Variants in MDGA2 observed in about 807,000 individuals in gnomAD.
The protein encoded by MDGA2 is MAM domain-containing glycosylphosphatidylinositol anchor protein 2.
MDGA2 carries 40 observed loss-of-function variants against 117.8 expected under a neutral mutation model. That is an observed-to-expected ratio of 0.34 (90% CI 0.26 to 0.44). The LOEUF (loss-of-function observed/expected upper bound fraction) is 0.44, where lower values mean the gene tolerates loss of function less well. MDGA2 is among the 20% of genes least tolerant of loss of function. The pLI is 1.00. For missense variants in MDGA2, 1,123 were observed against 1,250.6 expected (o/e 0.90, Z 1.54); for synonymous variants, 452 against 439.0 (o/e 1.03, Z -0.37).
At chr14:47,217,969 C>CAAAAA in intron 3 of MDGA2, 52 bp downstream of exon 3, 1 of 1,381,256 alleles carries the variant, frequency 7.2e-7, no homozygotes. Context: ...ACTTGTAAGA[C>CAAAAA]AAAAGAAATC....
At chr14:47,248,921 C>A (rs556252170) in intron 2 of MDGA2, among the ~76,000 whole-genome samples, 1 of 151,734 alleles carries the variant, frequency 6.6e-6, no homozygotes, top group South Asian at 2.1e-4. Flanking sequence ...TGTTTCCCTT[C>A]CTTCCTTCCT....
intron 1 of MDGA2, among the ~76,000 whole-genome samples, chr14:47,552,210 A>G (rs148410746): frequency 1.1e-3 from 171 of 152,268 alleles, no homozygotes; most frequent in African/African-American, 4.0e-3. Flanking sequence ...TCACTCTGCC[A>G]GAGATCTTAC....
chr14:46,961,568 T>A lies in MDGA2; in HGVS notation c.1820-3925A>T, dbSNP rs931664058. Among the ~76,000 whole-genome samples, 8 of 152,264 alleles carry A rather than the reference T, an allele frequency of 5.3e-5. 1 individual carries two copies. In the Middle Eastern group the frequency reaches 0.01, roughly 194 times the overall value. On this transcript the variant is annotated intron_variant, in intron 8 of 16. Transcript: ENST00000399232. ...TATACCTGCACACCACTTTTTTGTA[T>A]GTTTCCACTACCTGAAAAAGTAGTT...
intron 1 of MDGA2, among the ~76,000 whole-genome samples, chr14:47,582,471 T>G (rs1896246618): frequency 6.6e-6 from 1 of 151,920 alleles, no homozygotes; most frequent in Non-Finnish European, 1.5e-5. Flanking sequence ...ATGCTAAACC[T>G]TGCTTGTTCA....
At chr14:47,555,279 T>C (rs1895661723) in intron 1 of MDGA2, among the ~76,000 whole-genome samples, 1 of 152,172 alleles carries the variant, frequency 6.6e-6, no homozygotes, top group Non-Finnish European at 1.5e-5. Flanking sequence ...TATTCAACAA[T>C]GCTGCAACTT....
At chr14:47,650,478 T>C (rs887546509) in intron 1 of MDGA2, among the ~76,000 whole-genome samples, 1 of 152,172 alleles carries the variant, frequency 6.6e-6, no homozygotes. Flanking sequence ...TATGGGTTTT[T>C]TCTGGGTACT....
At chr14:47,629,797 A>G (rs963505151) in intron 1 of MDGA2, among the ~76,000 whole-genome samples, 1 of 152,174 alleles carries the variant, frequency 6.6e-6, no homozygotes, top group Non-Finnish European at 1.5e-5. Context: ...TCATTAGAAA[A>G]TGTCTACTAG....
rs373587963 is a variant in MDGA2 at position 47,373,722 on chromosome 14, G to A, written c.281-72172C>T. ...TTTCTTTTTGGAGGGGACAGGAGGT[G>A]AAAATGTTCTAAAATTAGATTTCGG... On this transcript the variant is annotated intron_variant, in intron 1 of 16. Coordinates refer to ENST00000399232, the MANE Select transcript of MDGA2 (RefSeq NM_001113498.3). Among the ~76,000 whole-genome samples, 4 of 152,042 alleles carry A rather than the reference G, an allele frequency of 2.6e-5. No individual in the cohort carries two copies. The East Asian group carries it at 5.8e-4, about 22-fold the overall frequency.
intron 1 of MDGA2, 70 bp downstream of exon 1, chr14:47,674,447 T>C (rs901692883): frequency 6.3e-5 from 85 of 1,351,340 alleles, no homozygotes; most frequent in Middle Eastern, 5.4e-4. Flanking sequence ...GCGCGAGTCG[T>C]GCATTTTCGC....
At chr14:47,086,114 G>GT (rs1890889449) in intron 6 of MDGA2, among the ~76,000 whole-genome samples, 1 of 120,496 alleles carries the variant, frequency 8.3e-6, no homozygotes, top group African/African-American at 2.8e-5. Context: ...TTTGTTTTTT[G>GT]TTTTTTGTTT....
intron 8 of MDGA2, among the ~76,000 whole-genome samples, chr14:46,985,530 G>C (rs920886215): frequency 2.6e-5 from 4 of 152,026 alleles, no homozygotes; most frequent in African/African-American, 9.7e-5. Flanking sequence ...TCTTACCTGA[G>C]TTACTGCTAC....
chr14:47,649,895 GGA>G (rs1491446578), intron 1 of MDGA2, among the ~76,000 whole-genome samples: 1 of 151,948 alleles, frequency 6.6e-6, no homozygotes, highest in Non-Finnish European at 1.5e-5. Context: ...AAAAAAGTTG[GGA>G]GAGAGGTAGA....
At chr14:47,188,316 G>C (rs1255478965) in intron 3 of MDGA2, among the ~76,000 whole-genome samples, 1 of 152,142 alleles carries the variant, frequency 6.6e-6, no homozygotes, top group Non-Finnish European at 1.5e-5. Flanking sequence ...TTCCTTCTTG[G>C]GTGTCCACTA....
chr14:46,913,886 C>CA (rs35135365), intron 10 of MDGA2, among the ~76,000 whole-genome samples: 105,945 of 151,914 alleles, frequency 0.7, 37,804 homozygotes, highest in East Asian at 0.99. Context: ...CTAATTTAAT[C>CA]AAATTTTATT....
At chr14:47,547,897 C>T (rs1168615790) in intron 1 of MDGA2, among the ~76,000 whole-genome samples, 1 of 152,092 alleles carries the variant, frequency 6.6e-6, no homozygotes, top group Non-Finnish European at 1.5e-5. Flanking sequence ...AAATCTTAAC[C>T]ATCTAGTTAA....
At chr14:46,925,687 G>A (rs546672091) in intron 9 of MDGA2, among the ~76,000 whole-genome samples, 8 of 144,656 alleles carry the variant, frequency 5.5e-5, no homozygotes, top group African/African-American at 1.8e-4. Context: ...TAATAAGACT[G>A]AAGTCATACA....
At chr14:47,307,654 C>T (rs35479772) in intron 1 of MDGA2, among the ~76,000 whole-genome samples, 13,448 of 151,500 alleles carry the variant, frequency 0.089, 713 homozygotes, top group Non-Finnish European at 0.11. Context: ...TGTCACTGCA[C>T]TCCAGCCTAG....
At chr14:46,885,787 C>A (rs1882650144) in intron 10 of MDGA2, among the ~76,000 whole-genome samples, 1 of 152,124 alleles carries the variant, frequency 6.6e-6, no homozygotes, top group African/African-American at 2.4e-5. Context: ...ATCCTCCTTA[C>A]CTCTGAAGTT....
At chr14:46,935,127 C>T (rs1378845425) in intron 9 of MDGA2, among the ~76,000 whole-genome samples, 1 of 151,934 alleles carries the variant, frequency 6.6e-6, no homozygotes, top group African/African-American at 2.4e-5. Flanking sequence ...GCATGGAGAG[C>T]ACAGATATTA....
Sources: allele counts gnomAD v4.1 joint callset (sites outside exome capture counted in the v4.1 genomes callset), GRCh38; gene constraint gnomAD v4.1.1; transcripts MANE v1.5; gene names NCBI Gene and HGNC (gene_info 2026-07-23, HGNC 2026-07-21).